The following NRXN2 variants were observed in gnomAD, a reference collection of about 807,000 sequenced individuals.
NRXN2 encodes the protein neurexin-2-beta.
In NRXN2, 29 loss-of-function variants were observed where a neutral mutation model predicts 128.8. That is an observed-to-expected ratio of 0.23 (90% CI 0.17 to 0.31). NRXN2 has a LOEUF of 0.31. NRXN2 is among the 10% of genes least tolerant of loss of function. NRXN2 has a pLI of 1.00. For synonymous variants in NRXN2, 1,098 were observed against 1,075.2 expected, an observed-to-expected ratio of 1.02 and a Z score of -0.41; for missense variants, 1,881 against 2,452.6, an observed-to-expected ratio of 0.77 and a Z score of 4.92.
At chr11:64,650,316 G>T in intron 15 of NRXN2, 132 bp downstream of exon 15, 1 of 898,050 alleles carries the variant, frequency 1.1e-6, no homozygotes. Context: ...GGACATAGTG[G>T]AGACAGGGAA....
At chr11:64,629,405 T>C (rs2043540193) in intron 19 of NRXN2, among the ~76,000 whole-genome samples, 1 of 152,166 alleles carries the variant, frequency 6.6e-6, no homozygotes, top group Non-Finnish European at 1.5e-5. Context: ...TCCCTGGGCC[T>C]GCATGTCAGC....
At chr11:64,718,809 C>G (rs1232969929) in intron 1 of NRXN2, among the ~76,000 whole-genome samples, 1 of 152,158 alleles carries the variant, frequency 6.6e-6, no homozygotes, top group Admixed American at 6.5e-5. Context: ...CCTCCCCCTT[C>G]CTTCCAGCCG....
At chr11:64,685,580 C>A in intron 6 of NRXN2, 66 bp downstream of exon 6, 1 of 1,604,232 alleles carries the variant, frequency 6.2e-7, no homozygotes, top group Non-Finnish European at 8.5e-7. Context: ...CCCGGCAGCC[C>A]CCTCTCCCAA....
chr11:64,654,642 A>C (rs902704394), intron 11 of NRXN2, among the ~76,000 whole-genome samples: 4 of 152,178 alleles, frequency 2.6e-5, no homozygotes, highest in Non-Finnish European at 4.4e-5. Flanking sequence ...CTGGTTAGAC[A>C]CACCACCCAA....
chr11:64,712,067 C>A (rs2056954726), intron 2 of NRXN2, among the ~76,000 whole-genome samples: 1 of 152,200 alleles, frequency 6.6e-6, no homozygotes, highest in Non-Finnish European at 1.5e-5. Context: ...AGACTGCGAC[C>A]CACTGTCGAC....
chr11:64,644,608 G>A (rs760861877), intron 17 of NRXN2, among the ~76,000 whole-genome samples: 3 of 152,124 alleles, frequency 2.0e-5, no homozygotes, highest in Admixed American at 1.3e-4. Context: ...CTCCTTTCCC[G>A]TCACCGGGTC....
chr11:64,669,301 C>G (rs1379250212), intron 7 of NRXN2, among the ~76,000 whole-genome samples: 1 of 152,188 alleles, frequency 6.6e-6, no homozygotes, highest in African/African-American at 2.4e-5. Context: ...TCTCTTCACT[C>G]CTCAGGTCTC....
At position 64,630,163 on chromosome 11, in the gene NRXN2, C is replaced by G. The variant is rs2135368073; in HGVS notation, c.3757+239G>C. Among the ~76,000 whole-genome samples, 1 of 152,210 alleles carries G rather than the reference C, an allele frequency of 6.6e-6. No individual in the cohort carries two copies. Among genetic ancestry groups the G allele is most frequent in the South Asian group, 2.1e-4 (1 of 4,832 alleles). ...TCCCAGCTCAGCCCTGCACCCTCCC[C>G]CATAGGGGGCGCATTCGCACCACCA... On this transcript the variant is annotated intron_variant, in intron 19 of 22. Coordinates refer to ENST00000265459, the MANE Select transcript of NRXN2 (RefSeq NM_015080.4). This position sits in a 1 kb window ranked among gnomAD's most constrained non-coding sequence, Gnocchi z 4.6.
chr11:64,677,163 G>A (rs1478374741), intron 6 of NRXN2, 126 bp from the exon 7 acceptor site: 12 of 668,122 alleles, frequency 1.8e-5, no homozygotes, highest in African/African-American at 3.6e-5. Context: ...CTCAAGGAAC[G>A]AGGAAAAAAT....
chr11:64,683,822 C>T (rs527255641), intron 6 of NRXN2, among the ~76,000 whole-genome samples: 54 of 152,092 alleles, frequency 3.6e-4, no homozygotes, highest in East Asian at 1.2e-3. Flanking sequence ...CTTGGACTCT[C>T]GACTCCGGGA....
chr11:64,642,375 T>C (rs1040858339), intron 17 of NRXN2, among the ~76,000 whole-genome samples: 7 of 150,206 alleles, frequency 4.7e-5, no homozygotes, highest in African/African-American at 1.5e-4. Flanking sequence ...GCTGAGATGA[T>C]GGGAGCTGGA....
chr11:64,712,470 G>T (rs2057020164), intron 2 of NRXN2, among the ~76,000 whole-genome samples: 1 of 139,232 alleles, frequency 7.2e-6, no homozygotes, highest in African/African-American at 2.8e-5. Context: ...CACCCACACT[G>T]GCCTTTCCAC....
chr11:64,676,934 C>A (rs933587714), intron 7 of NRXN2, 59 bp downstream of exon 7: 2 of 1,403,718 alleles, frequency 1.4e-6, no homozygotes, highest in Admixed American at 1.7e-5. Context: ...GAGGGAGAAT[C>A]GAACAGTTAA....
At chr11:64,671,563 G>A (rs866283330) in intron 7 of NRXN2, among the ~76,000 whole-genome samples, 8 of 152,102 alleles carry the variant, frequency 5.3e-5, no homozygotes, top group African/African-American at 1.2e-4. Context: ...GGGGCCGTGC[G>A]ACACAGAACA....
intron 6 of NRXN2, among the ~76,000 whole-genome samples, chr11:64,678,012 G>A (rs1392611854): frequency 6.6e-6 from 1 of 152,168 alleles, no homozygotes; most frequent in African/African-American, 2.4e-5. Context: ...AGCATAGGAG[G>A]GGTCATGGAT....
intron 22 of NRXN2, among the ~76,000 whole-genome samples, chr11:64,611,436 T>G (rs2040624386): frequency 6.6e-6 from 1 of 152,172 alleles, no homozygotes; most frequent in Non-Finnish European, 1.5e-5. Context: ...TGGTCATAGC[T>G]GGGGCCCCAG....
intron 17 of NRXN2, among the ~76,000 whole-genome samples, chr11:64,647,655 G>A (rs928346959): frequency 6.6e-6 from 1 of 152,224 alleles, no homozygotes; most frequent in Non-Finnish European, 1.5e-5. Context: ...TATTGGGGAA[G>A]AAAGAGGAGC....
intron 2 of NRXN2, among the ~76,000 whole-genome samples, chr11:64,706,078 AATATATATAATATATATTATATATAT>A (rs2135644460): frequency 2.0e-5 from 1 of 49,632 alleles, no homozygotes; most frequent in Non-Finnish European, 3.5e-5. Flanking sequence ...ATATATATAT[AATATATATAATATATATTATATATAT>A]AAAGTATATA....
At chr11:64,619,278 G>A (rs1032219363) in intron 22 of NRXN2, among the ~76,000 whole-genome samples, 29 of 152,028 alleles carry the variant, frequency 1.9e-4, no homozygotes, top group Admixed American at 1.7e-3. Flanking sequence ...AGACTCATCT[G>A]GCAGCCACCG....
Sources: allele counts gnomAD v4.1 joint callset (sites outside exome capture counted in the v4.1 genomes callset), GRCh38; gene constraint gnomAD v4.1.1; non-coding constraint Gnocchi (gnomAD v3.1); transcripts MANE v1.5; gene names NCBI Gene and HGNC (gene_info 2026-07-23, HGNC 2026-07-21).